The following LPGAT1 variants were observed in gnomAD, a reference collection of about 807,000 sequenced individuals.
LPGAT1 encodes lysophosphatidylglycerol acyltransferase 1, also known as acyl-CoA:lysophosphatidylglycerol acyltransferase 1.
A neutral mutation model predicts 47.5 loss-of-function variants in LPGAT1; 11 were observed. The ratio of observed to expected loss-of-function variants is 0.23; its 90% CI spans 0.15 to 0.38. The LOEUF (loss-of-function observed/expected upper bound fraction) is 0.38. Among genes scored for constraint, LPGAT1 ranks in the 10% least tolerant of loss-of-function variants. LPGAT1 has a pLI of 1.00. For missense variants in LPGAT1, 293 were observed against 439.0 expected, an observed-to-expected ratio of 0.67 and a Z score of 2.97; for synonymous variants, 138 against 144.2, an observed-to-expected ratio of 0.96 and a Z score of 0.31.
intron 2 of LPGAT1, among the ~76,000 whole-genome samples, chr1:211,820,481 C>T (rs1660330432): frequency 2.0e-5 from 3 of 150,372 alleles, no homozygotes; most frequent in Admixed American, 2.0e-4. Flanking sequence ...AATACAAGAA[C>T]TCAAGGGAGA....
At chr1:211,756,255 CA>C (rs929997148) in intron 6 of LPGAT1, among the ~76,000 whole-genome samples, 11 of 151,862 alleles carry the variant, frequency 7.2e-5, no homozygotes, top group Non-Finnish European at 7.4e-5. Flanking sequence ...CAAACCAAAA[CA>C]AAAAAAATCC....
chr1:211,781,232 T>G (rs947584763), intron 5 of LPGAT1, among the ~76,000 whole-genome samples: 2 of 152,228 alleles, frequency 1.3e-5, no homozygotes, highest in African/African-American at 2.4e-5. Context: ...TAAACTACTC[T>G]GCTTTAGTTA....
intron 2 of LPGAT1, among the ~76,000 whole-genome samples, chr1:211,819,727 G>A (rs1320502693): frequency 6.6e-6 from 1 of 152,160 alleles, no homozygotes; most frequent in African/African-American, 2.4e-5. Flanking sequence ...GCTCACGCCT[G>A]TAATCCCAGC....
rs917475678 is a variant in LPGAT1 at position 211,830,431 on chromosome 1, G to A, written c.-28+142C>T. On this transcript the variant is annotated intron_variant, in intron 1 of 7. Coordinates refer to ENST00000366997, the MANE Select transcript of LPGAT1 (RefSeq NM_014873.3). The surrounding 1 kb of genome is among the most constrained non-coding windows in gnomAD (Gnocchi z 5.9). ...CCCCGCGCCCCCGCCTCCTCCCCGG[G>A]GCCTACCGCGCCCTCGTCCCTCAGG... 3 of 1,176,978 alleles carry A rather than the reference G, an allele frequency of 2.5e-6. No individual in the cohort carries two copies. The highest frequency in any genetic ancestry group is 3.2e-5 in the African/African-American group (2 of 62,230). 72.9% of individuals were successfully genotyped at this position (1,176,978 alleles called of 1,614,324 possible). A position where few individuals can be genotyped will look rare whatever the true frequency, so the allele number is the denominator to read the frequency against.
chr1:211,788,333 A>C (rs559144007), intron 3 of LPGAT1, among the ~76,000 whole-genome samples: 1 of 152,308 alleles, frequency 6.6e-6, no homozygotes, highest in Non-Finnish European at 1.5e-5. Flanking sequence ...TCCACTGCTG[A>C]TAAGAGTTAA....
chr1:211,802,827 A>G (rs1483567460), intron 2 of LPGAT1, among the ~76,000 whole-genome samples: 2 of 152,210 alleles, frequency 1.3e-5, no homozygotes, highest in Non-Finnish European at 2.9e-5. Context: ...CTATACCAAG[A>G]CATACATCCC....
At chr1:211,805,081 C>G (rs551938561) in intron 2 of LPGAT1, among the ~76,000 whole-genome samples, 1 of 145,242 alleles carries the variant, frequency 6.9e-6, no homozygotes. Flanking sequence ...AACAAAATAC[C>G]AAAGTCAAAA....
At chr1:211,780,626 T>C (rs1197857435) in intron 5 of LPGAT1, among the ~76,000 whole-genome samples, 1 of 152,164 alleles carries the variant, frequency 6.6e-6, no homozygotes, top group Non-Finnish European at 1.5e-5. Flanking sequence ...AGGAGAAAAA[T>C]ATACTTGTAA....
chr1:211,792,856 T>G (rs1359633444), intron 3 of LPGAT1, among the ~76,000 whole-genome samples: 1 of 151,538 alleles, frequency 6.6e-6, no homozygotes, highest in Non-Finnish European at 1.5e-5. Flanking sequence ...GGACTACAGG[T>G]GCACACCACC....
chr1:211,803,617 G>C (rs982093118), intron 2 of LPGAT1, among the ~76,000 whole-genome samples: 2 of 152,134 alleles, frequency 1.3e-5, no homozygotes. Context: ...GTGCAGGAAA[G>C]TAAAAGTGAA....
At chr1:211,824,135 C>T (rs546272004) in intron 2 of LPGAT1, among the ~76,000 whole-genome samples, 6 of 152,166 alleles carry the variant, frequency 3.9e-5, no homozygotes, top group South Asian at 2.1e-4. Context: ...TGGCTCACCA[C>T]GCCTGTAATC....
chr1:211,770,592 G>T (rs1180681425), intron 6 of LPGAT1, among the ~76,000 whole-genome samples: 1 of 152,052 alleles, frequency 6.6e-6, no homozygotes, highest in Non-Finnish European at 1.5e-5. Flanking sequence ...AATTCCTGTT[G>T]CCTAGTGATG....
At chr1:211,776,450 T>C (rs1213208708) in intron 6 of LPGAT1, among the ~76,000 whole-genome samples, 2 of 152,014 alleles carry the variant, frequency 1.3e-5, no homozygotes, top group African/African-American at 2.4e-5. Context: ...GGCAGAAGAA[T>C]TGCTTGAACC....
intron 2 of LPGAT1, among the ~76,000 whole-genome samples, chr1:211,823,150 G>A (rs1423668952): frequency 6.6e-6 from 1 of 152,108 alleles, no homozygotes; most frequent in Non-Finnish European, 1.5e-5. Flanking sequence ...AAATCAACTT[G>A]TGGCAACATC....
At chr1:211,803,773 T>A (rs1487230895) in intron 2 of LPGAT1, among the ~76,000 whole-genome samples, 1 of 151,320 alleles carries the variant, frequency 6.6e-6, no homozygotes, top group African/African-American at 2.4e-5. Flanking sequence ...TCTTTTTTTT[T>A]TTTTTTTGAC....
chr1:211,749,931 T>C lies in LPGAT1; in HGVS notation c.1081A>G (p.Ile361Val), dbSNP rs1657104368. The C allele has an allele frequency of 6.2e-7, 1 of 1,614,092 alleles. No individual in the cohort carries two copies. ...AGGCAATGGTAAAAATACTGAATGA[T>C]GTTGTACCACATATAGCCTGACAAA... ...AFLSGYMWYN[I>V]IQYFYHCLF is the part of the protein sequence containing the mutation. The change falls in exon 8 of 8, where the codon ATC becomes GTC. Residue 361 changes from isoleucine to valine, a missense_variant. By Grantham distance (29) the Ile-to-Val change is conservative. Transcript: ENST00000366997.
intron 3 of LPGAT1, among the ~76,000 whole-genome samples, chr1:211,791,761 A>AAAAC (rs1553310628): frequency 7.8e-6 from 1 of 128,062 alleles, no homozygotes; most frequent in Non-Finnish European, 1.7e-5. Flanking sequence ...AAAAAAAAAA[A>AAAAC]AAAACAAACA....
At position 211,743,759 on chromosome 1, in the gene LPGAT1, G is replaced by A. The variant is rs1656840136; in HGVS notation, c.*6140C>T. The A allele has an allele frequency of 6.6e-6, 1 of 152,126 alleles. No individual in the cohort carries two copies. Among genetic ancestry groups the A allele is most frequent in the Non-Finnish European group, 1.5e-5 (1 of 68,030 alleles). 9.4% of individuals were successfully genotyped at this position (152,126 alleles called of 1,614,324 possible). A position where few individuals can be genotyped will look rare whatever the true frequency, so the allele number is the denominator to read the frequency against. ...TGTTCCTTGTCTTCCACAGAAAGTA[G>A]TTCCAGGGGAAAAAGAAATTAGAAT... On this transcript the variant is annotated 3_prime_UTR_variant, in exon 8 of 8. Transcript: ENST00000366997.
rs538549155 is a variant in LPGAT1, at chr1:211,808,345, C to G, written c.239-15155G>C. ...AGTCTGCGCAACAAGGGCGAAACTC[C>G]GTCTCAAAAAAAAAAAAAAAACCTC... On this transcript the variant is annotated intron_variant, in intron 2 of 7. Transcript: ENST00000366997. Among the ~76,000 whole-genome samples, 4 of 107,618 alleles carry G rather than the reference C, an allele frequency of 3.7e-5. No individual in the cohort carries two copies. The East Asian group carries it at 1.8e-3, about 48-fold the overall frequency. 70.6% of individuals were successfully genotyped at this position (107,618 alleles called of 152,430 possible). A position where few individuals can be genotyped will look rare whatever the true frequency, so the allele number is the denominator to read the frequency against.
Sources: allele counts gnomAD v4.1 joint callset (sites outside exome capture counted in the v4.1 genomes callset), GRCh38; gene constraint gnomAD v4.1.1; non-coding constraint Gnocchi (gnomAD v3.1); transcripts MANE v1.5; gene names NCBI Gene and HGNC (gene_info 2026-07-23, HGNC 2026-07-21).